TAF1B: variants seen among roughly 807,000 people sequenced by gnomAD.
TAF1B encodes the protein TATA-box binding protein associated factor, RNA polymerase I subunit B.
Under a neutral mutation model 83.9 loss-of-function variants are expected in TAF1B, and 61 were observed. The ratio of observed to expected loss-of-function variants is 0.73; its 90% confidence interval spans 0.59 to 0.90. The LOEUF (loss-of-function observed/expected upper bound fraction) is 0.90. Ranked by LOEUF, TAF1B falls within the 40% of genes least tolerant of loss-of-function variation. TAF1B has a pLI of 0.00. For synonymous variants in TAF1B, 221 were observed against 224.6 expected (o/e 0.98, Z 0.14); for missense variants, 625 against 677.0 (o/e 0.92, Z 0.85).
At chr2:9,858,829 C>T (rs1231470551) in intron 5 of TAF1B, among the ~76,000 whole-genome samples, 2 of 152,206 alleles carry the variant, frequency 1.3e-5, no homozygotes, top group Non-Finnish European at 2.9e-5. Flanking sequence ...CCTGAGGCTG[C>T]ACAAAGTAAC....
chr2:9,903,277 G>A (rs1290844881), intron 8 of TAF1B, among the ~76,000 whole-genome samples: 3 of 151,986 alleles, frequency 2.0e-5, no homozygotes, highest in Non-Finnish European at 2.9e-5. Flanking sequence ...AGTAGAGAGG[G>A]GGTTTCACCG....
intron 9 of TAF1B, among the ~76,000 whole-genome samples, chr2:9,908,257 G>T (rs561338571): frequency 1.2e-3 from 174 of 151,102 alleles, no homozygotes; most frequent in African/African-American, 4.0e-3. Flanking sequence ...GTGTTAGCCA[G>T]GATGGTCTGG....
chr2:9,907,148 G>C (rs558432243), intron 9 of TAF1B, among the ~76,000 whole-genome samples: 1 of 150,404 alleles, frequency 6.6e-6, no homozygotes, highest in African/African-American at 2.4e-5. Context: ...TTGACTTCCC[G>C]AAGTGCTGGG....
chr2:9,860,027 C>T (rs1379383298), intron 5 of TAF1B, among the ~76,000 whole-genome samples: 1 of 152,184 alleles, frequency 6.6e-6, no homozygotes, highest in Non-Finnish European at 1.5e-5. Flanking sequence ...GCATGTCTTC[C>T]ATGGCAGCAA....
At chr2:9,921,552 A>C (rs950998039) in intron 14 of TAF1B, among the ~76,000 whole-genome samples, 4 of 152,240 alleles carry the variant, frequency 2.6e-5, no homozygotes, top group African/African-American at 9.6e-5. Context: ...TAAGTCCTAG[A>C]TAGATACAAA....
At chr2:9,845,431 G>C in intron 2 of TAF1B, 113 bp downstream of exon 2, 1 of 757,222 alleles carries the variant, frequency 1.3e-6, no homozygotes, top group South Asian at 1.6e-5. Context: ...CTCATGCAAT[G>C]CCAACATTCC....
Position 9,933,785 on chromosome 2 carries a change from A to G in TAF1B, c.1568A>G (p.Tyr523Cys), listed in dbSNP as rs1666291390. 4 of 1,606,450 alleles carry G rather than the reference A, an allele frequency of 2.5e-6. No homozygotes were observed. Among genetic ancestry groups the G allele is most frequent in the Non-Finnish European group, 3.4e-6 (4 of 1,177,488 alleles). The change falls in exon 15 of 15, where the codon TAT (tyrosine) becomes TGT (cysteine). Residue 523 changes from tyrosine (Y) to cysteine (C), a missense_variant and splice_region_variant. Physicochemically the swap from Tyr to Cys is radical, Grantham distance 194 (BLOSUM62 -2). Coordinates refer to ENST00000263663, the MANE Select transcript of TAF1B (RefSeq NM_005680.3). Reference sequence around the variant, plus strand: ...TCTTTTTTCTTTTTCCCTTCTAGCTATTGTACACATGTGACAACCTATGAA... The same window carrying G: ...TCTTTTTTCTTTTTCCCTTCTAGCTGTTGTACACATGTGACAACCTATGAA... ...WLSTQKFCRC[Y>C]CTHVTTYEES... is the part of the protein sequence containing the mutation.
intron 14 of TAF1B, among the ~76,000 whole-genome samples, chr2:9,931,723 A>C (rs1018745817): frequency 1.3e-5 from 2 of 152,154 alleles, no homozygotes; most frequent in African/African-American, 4.8e-5. Flanking sequence ...CTGCCTTGCT[A>C]GGTTGGGGAA....
intron 5 of TAF1B, among the ~76,000 whole-genome samples, chr2:9,856,912 A>G (rs1663583393): frequency 6.6e-6 from 1 of 152,232 alleles, no homozygotes; most frequent in African/African-American, 2.4e-5. Context: ...TAGTTTTCTC[A>G]AGTATATCCA....
intron 14 of TAF1B, among the ~76,000 whole-genome samples, chr2:9,925,953 A>C (rs1666021451): frequency 6.6e-6 from 1 of 152,156 alleles, no homozygotes; most frequent in African/African-American, 2.4e-5. Context: ...ATAATATCTC[A>C]ATGTCTATAG....
chr2:9,865,555 A>G, intron 5 of TAF1B, among the ~76,000 whole-genome samples: 1 of 152,204 alleles, frequency 6.6e-6, no homozygotes, highest in Non-Finnish European at 1.5e-5. Context: ...CCATCAAGCT[A>G]CCAATGACTT....
intron 8 of TAF1B, among the ~76,000 whole-genome samples, chr2:9,883,534 T>C (rs1318799074): frequency 6.6e-6 from 1 of 152,198 alleles, no homozygotes; most frequent in African/African-American, 2.4e-5. Context: ...ATGTTCAACT[T>C]AATGTTGAGG....
At chr2:9,920,296 C>T (rs186376096) in intron 14 of TAF1B, among the ~76,000 whole-genome samples, 6 of 152,120 alleles carry the variant, frequency 3.9e-5, no homozygotes, top group South Asian at 2.1e-4. Flanking sequence ...TCTCATTAGA[C>T]CCCCAGTGTC....
chr2:9,867,970 T>C (rs1048703979), intron 5 of TAF1B, among the ~76,000 whole-genome samples: 4 of 152,198 alleles, frequency 2.6e-5, no homozygotes, highest in Middle Eastern at 3.2e-3. Context: ...TGTGGGGTCA[T>C]TGATGCGCGA....
chr2:9,921,593 A>G (rs1013933860), intron 14 of TAF1B, among the ~76,000 whole-genome samples: 2 of 152,242 alleles, frequency 1.3e-5, no homozygotes, highest in African/African-American at 4.8e-5. Context: ...TTCCAAGTCC[A>G]CTTGAAGAGA....
At chr2:9,843,730 C>G in intron 1 of TAF1B, 171 bp downstream of exon 1, 1 of 643,796 alleles carries the variant, frequency 1.6e-6, no homozygotes, top group Non-Finnish European at 2.5e-6. Flanking sequence ...CGGCCGCATG[C>G]GCGCGCGGCT....
chr2:9,848,833 T>C (rs558674533), intron 2 of TAF1B, among the ~76,000 whole-genome samples: 52 of 152,210 alleles, frequency 3.4e-4, no homozygotes, highest in Non-Finnish European at 7.3e-4. Context: ...GACTCTGATA[T>C]GAATTATACT....
chr2:9,864,155 A>G (rs2125143584), intron 5 of TAF1B, among the ~76,000 whole-genome samples: 1 of 152,340 alleles, frequency 6.6e-6, no homozygotes, highest in South Asian at 2.1e-4. Flanking sequence ...CAGTGAATCC[A>G]GGAGCTGGTC....
In TAF1B at chr2:9,933,980, A is replaced by T. The variant is rs1429957676; in HGVS notation, c.1763A>T (p.His588Leu). 1 of 1,585,404 alleles carries T rather than the reference A, an allele frequency of 6.3e-7. No individual in the cohort carries two copies. The highest frequency in any genetic ancestry group is 1.4e-5 in the African/African-American group (1 of 73,330). Reference sequence around the variant, plus strand: ...TCAAGATCCAAGAAAGTGAGACGACATTGAGAAAATGAAATAGAAACTTTC... The same window carrying T: ...TCAAGATCCAAGAAAGTGAGACGACTTTGAGAAAATGAAATAGAAACTTTC... ...KKSRSKKVRR[H>L] The change falls in exon 15 of 15, where the codon CAT (histidine) becomes CTT (leucine). Residue 588 changes from histidine to leucine, a missense_variant. Coordinates refer to ENST00000263663, the MANE Select transcript of TAF1B (RefSeq NM_005680.3).
Sources: allele counts gnomAD v4.1 joint callset (sites outside exome capture counted in the v4.1 genomes callset), GRCh38; gene constraint gnomAD v4.1.1; transcripts MANE v1.5; gene names NCBI Gene and HGNC (gene_info 2026-07-23, HGNC 2026-07-21).